The following PRELID2 variants were observed in gnomAD, a reference collection of about 807,000 sequenced individuals.
PRELID2 encodes PRELI domain-containing protein 2.
PRELID2 carries 25 observed loss-of-function variants against 28.4 expected under a neutral mutation model. The observed-to-expected ratio is 0.88, with a 90% CI of 0.64 to 1.23. The LOEUF (loss-of-function observed/expected upper bound fraction) is 1.23, where lower values mean the gene tolerates loss of function less well. PRELID2 is among the 50% of genes most tolerant of loss of function. The pLI is 0.00. For missense variants in PRELID2, 201 were observed against 214.4 expected (o/e 0.94, Z 0.39); for synonymous variants, 76 against 71.6 (o/e 1.06, Z -0.31).
chr5:145,414,509 A>G, the PRELID2 span, among the ~76,000 whole-genome samples: 1 of 152,228 alleles, frequency 6.6e-6, no homozygotes, highest in South Asian at 2.1e-4. Flanking sequence ...CAGTCTGTGA[A>G]GACAGAACAC....
At chr5:145,423,248 C>G in the PRELID2 span, among the ~76,000 whole-genome samples, 1 of 147,030 alleles carries the variant, frequency 6.8e-6, no homozygotes, top group Admixed American at 6.9e-5. Context: ...ATCTTTGTGG[C>G]GTTCTCTGTA....
chr5:145,286,712 G>GT, the PRELID2 span, among the ~76,000 whole-genome samples: 247 of 108,326 alleles, frequency 2.3e-3, 1 homozygote, highest in African/African-American at 9.1e-3. Context: ...GTTTTTTTTT[G>GT]TTTGTTTGTT....
At chr5:145,785,819 C>G (rs1751957682) in intron 5 of PRELID2, among the ~76,000 whole-genome samples, 1 of 152,202 alleles carries the variant, frequency 6.6e-6, no homozygotes, top group African/African-American at 2.4e-5. Flanking sequence ...CCTTCACCCT[C>G]CAACTTTAGG....
the PRELID2 span, among the ~76,000 whole-genome samples, chr5:145,349,514 G>A: frequency 6.6e-6 from 1 of 151,758 alleles, no homozygotes; most frequent in Non-Finnish European, 1.5e-5. Flanking sequence ...TACAAATCCT[G>A]TGCCTAGCAG....
At chr5:145,815,101 G>A (rs1754207058) in intron 4 of PRELID2, among the ~76,000 whole-genome samples, 1 of 152,174 alleles carries the variant, frequency 6.6e-6, no homozygotes, top group Non-Finnish European at 1.5e-5. Flanking sequence ...GAGGTCATGA[G>A]TTAGAGACTG....
chr5:145,665,465 T>C (rs1754570678), intron 1 of PRELID2, among the ~76,000 whole-genome samples: 1 of 152,108 alleles, frequency 6.6e-6, no homozygotes, highest in Non-Finnish European at 1.5e-5. Context: ...TAAGTCAACT[T>C]TTCTGCTTAC....
intron 1 of PRELID2, among the ~76,000 whole-genome samples, chr5:145,740,896 CGA>C (rs1756686670): frequency 2.2e-5 from 2 of 90,462 alleles, no homozygotes; most frequent in South Asian, 3.6e-4. Flanking sequence ...ATATATTTAT[CGA>C]TAAATATATA....
chr5:145,280,385 A>T, the PRELID2 span, among the ~76,000 whole-genome samples: 1 of 152,158 alleles, frequency 6.6e-6, no homozygotes, highest in African/African-American at 2.4e-5. Context: ...AAAGAAATAC[A>T]CTCTACTCAA....
chr5:145,801,606 A>G (rs1190540631), intron 4 of PRELID2, among the ~76,000 whole-genome samples: 2 of 152,142 alleles, frequency 1.3e-5, no homozygotes, highest in Non-Finnish European at 2.9e-5. Context: ...TGCTTTGAAA[A>G]TTATTTTCTC....
intron 1 of PRELID2, among the ~76,000 whole-genome samples, chr5:145,611,108 C>G (rs1422180577): frequency 1.3e-5 from 2 of 151,524 alleles, no homozygotes; most frequent in African/African-American, 4.8e-5. Flanking sequence ...TGTTTCTGTA[C>G]AGTGAAGATC....
chr5:145,310,530 C>A, the PRELID2 span, among the ~76,000 whole-genome samples: 2 of 152,154 alleles, frequency 1.3e-5, no homozygotes, highest in Non-Finnish European at 1.5e-5. Flanking sequence ...AAAATCAGTT[C>A]TTAATTACAA....
Position 145,817,973 on chromosome 5 carries a change from T to C in PRELID2, c.289A>G (p.Ser97Gly). ...NPRERNMAIR[S>G]HCLTWTQYAS... ...TACTGTGTCCACGTAAGGCAGTGACTCCGTATGGCCATGTTTCTTTCCCGA... is the reference window on the plus strand; with the variant it reads ...TACTGTGTCCACGTAAGGCAGTGACCCCGTATGGCCATGTTTCTTTCCCGA... The change falls in exon 4 of 7, where the codon AGT (serine) becomes GGT (glycine). Residue 97 changes from serine (S) to glycine (G), a missense_variant. By Grantham distance (56) the Ser-to-Gly change is moderately conservative. Transcript: ENST00000683046. 6.2e-7 allele frequency: 1 copy of C among 1,609,696 alleles called. No homozygotes were observed.
At chr5:145,755,056 C>A (rs1334648977), downstream of PRELID2, among the ~76,000 whole-genome samples, 1 of 152,130 alleles carries the variant, frequency 6.6e-6, no homozygotes, top group Non-Finnish European at 1.5e-5. Flanking sequence ...AGATCAAGAT[C>A]CTGAAGCATT....
At chr5:145,772,612 T>A (rs1321755164) in intron 5 of PRELID2, among the ~76,000 whole-genome samples, 1 of 152,188 alleles carries the variant, frequency 6.6e-6, no homozygotes. Flanking sequence ...AGCCCTTTTA[T>A]AATTGGCATG....
downstream of PRELID2, among the ~76,000 whole-genome samples, chr5:145,470,156 C>T (rs994655618): frequency 3.3e-5 from 5 of 152,102 alleles, no homozygotes; most frequent in African/African-American, 4.8e-5. Context: ...GCTGACTTTT[C>T]GTCTAAAGGG....
At chr5:145,299,531 A>G in the PRELID2 span, among the ~76,000 whole-genome samples, 5 of 151,956 alleles carry the variant, frequency 3.3e-5, no homozygotes, top group Non-Finnish European at 5.9e-5. Context: ...ATTGTTTAAC[A>G]TGTTTCTCTG....
chr5:145,570,882 C>G (rs1258066599), intron 1 of PRELID2, among the ~76,000 whole-genome samples: 1 of 152,162 alleles, frequency 6.6e-6, no homozygotes, highest in African/African-American at 2.4e-5. Context: ...AAATTAAAGT[C>G]CATACAGAAA....
chr5:145,387,441 G>A, the PRELID2 span, among the ~76,000 whole-genome samples: 1 of 152,128 alleles, frequency 6.6e-6, no homozygotes, highest in Non-Finnish European at 1.5e-5. Flanking sequence ...TAAGAAAAGA[G>A]CCTCATCTAG....
At chr5:145,813,767 A>G (rs1754107015) in intron 4 of PRELID2, among the ~76,000 whole-genome samples, 1 of 151,982 alleles carries the variant, frequency 6.6e-6, no homozygotes, top group African/African-American at 2.4e-5. Context: ...GGACTGGAAC[A>G]TAACAAACCA....
Sources: allele counts gnomAD v4.1 joint callset (sites outside exome capture counted in the v4.1 genomes callset), GRCh38; gene constraint gnomAD v4.1.1; transcripts MANE v1.5; gene names NCBI Gene and HGNC (gene_info 2026-07-23, HGNC 2026-07-21).